TMEM219: variants seen among roughly 807,000 people sequenced by gnomAD.
TMEM219 encodes insulin-like growth factor-binding protein 3 receptor.
TMEM219 carries 18 observed loss-of-function variants against 17.9 expected under a neutral mutation model. The ratio of observed to expected loss-of-function variants is 1.01; its 90% CI spans 0.70 to 1.49. The LOEUF is 1.49. TMEM219 is among the 40% of genes most tolerant of loss of function. The probability of loss-of-function intolerance (pLI) is 0.00; values close to 1 mark genes in which losing one functional copy is unlikely to be tolerated. For synonymous variants in TMEM219, 113 were observed against 124.0 expected, an observed-to-expected ratio of 0.91 and a Z score of 0.59; for missense variants, 288 against 292.4, an observed-to-expected ratio of 0.99 and a Z score of 0.11.
chr16:29,970,805 G>A (rs1010564852), intron 4 of TMEM219, among the ~76,000 whole-genome samples: 14 of 152,064 alleles, frequency 9.2e-5, no homozygotes, highest in Admixed American at 2.6e-4. Context: ...TTAGCTGGGC[G>A]TGGTGGCACA....
At chr16:29,971,728 A>T (rs1780653094) in intron 5 of TMEM219, 150 bp downstream of exon 5, 2 of 616,264 alleles carry the variant, frequency 3.2e-6, no homozygotes, top group Admixed American at 6.9e-5. Flanking sequence ...TCCCTTAGGG[A>T]CTGGGAACAA....
chr16:29,965,242 A>T (rs1176487884), intron 3 of TMEM219, among the ~76,000 whole-genome samples: 1 of 152,182 alleles, frequency 6.6e-6, no homozygotes, highest in Non-Finnish European at 1.5e-5. Context: ...TCCTGTGAGT[A>T]TATATGTGTC....
At chr16:29,963,010 CT>C in intron 1 of TMEM219, 96 bp from the exon 2 acceptor site, 2 of 1,018,194 alleles carry the variant, frequency 2.0e-6, no homozygotes, top group Non-Finnish European at 2.9e-6. Context: ...CTGCCACTTA[CT>C]GTGTGGCCTT....
At chr16:29,962,731 C>A (rs1270789720) in intron 1 of TMEM219, 5 of 179,734 alleles carry the variant, frequency 2.8e-5, no homozygotes, top group Non-Finnish European at 6.0e-5. Flanking sequence ...TCAGATCTAG[C>A]CGTTTAGCTG....
Position 29,968,007 on chromosome 16 carries a change from C to T in TMEM219, c.356-18C>T. 1 of 1,594,456 alleles carries T rather than the reference C, an allele frequency of 6.3e-7. No individual in the cohort carries two copies. Among genetic ancestry groups the T allele is most frequent in the African/African-American group, 1.3e-5 (1 of 74,624 alleles). The stretch of plus-strand genomic sequence containing the variant: ...CACCTCTCATTTTCTTCCATTTTCT[C>T]TTCTGTGCCTTTCACAGGATCTTCT... On this transcript the variant is annotated intron_variant, in intron 3 of 5. Transcript: ENST00000279396.
intron 1 of TMEM219, chr16:29,962,898 C>G: frequency 1.8e-6 from 1 of 550,448 alleles, no homozygotes; most frequent in South Asian, 2.1e-5. Context: ...ACTGCTCTGC[C>G]TCCACTTAGA....
Position 29,963,133 on chromosome 16 carries a change from C to A in TMEM219, c.-11C>A. ...AGGCTCTCCCCGGAGGCTCAGCCCC[C>A]TCTGCTCCCCATGGGCAACTGCCAG... On this transcript the variant is annotated 5_prime_UTR_variant, in exon 2 of 6. Coordinates refer to ENST00000279396, the MANE Select transcript of TMEM219 (RefSeq NM_001083613.2). The A allele has an allele frequency of 6.2e-7, 1 of 1,610,146 alleles. No homozygotes were observed. The highest frequency in any genetic ancestry group is 1.7e-4 in the Middle Eastern group (1 of 5,944).
intron 3 of TMEM219, among the ~76,000 whole-genome samples, chr16:29,966,965 A>T (rs948883817): frequency 3.3e-5 from 5 of 151,998 alleles, no homozygotes; most frequent in Admixed American, 6.6e-5. Context: ...TCTACATGGA[A>T]ATTTTCCCAA....
intron 3 of TMEM219, among the ~76,000 whole-genome samples, chr16:29,964,316 C>T (rs1349593236): frequency 6.6e-6 from 1 of 151,142 alleles, no homozygotes; most frequent in Non-Finnish European, 1.5e-5. Context: ...GAGCAAAACT[C>T]GGTCTCAAAA....
intron 3 of TMEM219, among the ~76,000 whole-genome samples, chr16:29,966,671 C>A (rs1429593889): frequency 6.6e-6 from 1 of 151,898 alleles, no homozygotes; most frequent in Non-Finnish European, 1.5e-5. Flanking sequence ...AAAAAATTAG[C>A]CAGGCATGGT....
At chr16:29,971,620 G>A in intron 5 of TMEM219, 42 bp downstream of exon 5, 7 of 1,479,148 alleles carry the variant, frequency 4.7e-6, no homozygotes, top group Admixed American at 1.7e-5. Flanking sequence ...AGGGAATGGG[G>A]TGGGGGTGGG....
chr16:29,965,223 C>T (rs1360753156), intron 3 of TMEM219, among the ~76,000 whole-genome samples: 3 of 152,122 alleles, frequency 2.0e-5, no homozygotes, highest in Non-Finnish European at 4.4e-5. Flanking sequence ...CACTATCATT[C>T]TAAGATTCTC....
chr16:29,968,276 C>T (rs1219263613), intron 4 of TMEM219, 22 bp downstream of exon 4: 2 of 1,595,428 alleles, frequency 1.3e-6, no homozygotes, highest in African/African-American at 2.7e-5. Context: ...AGATGGGTCG[C>T]CAGGGTTTTG....
chr16:29,972,667 C>G (rs900800368), intron 5 of TMEM219, among the ~76,000 whole-genome samples: 2 of 152,172 alleles, frequency 1.3e-5, no homozygotes, highest in African/African-American at 4.8e-5. Flanking sequence ...AGTGGAAGCT[C>G]AAGATCAACT....
intron 4 of TMEM219, among the ~76,000 whole-genome samples, chr16:29,969,969 C>T (rs1379737375): frequency 7.2e-5 from 11 of 152,286 alleles, no homozygotes; most frequent in South Asian, 2.1e-4. Flanking sequence ...CCATGAGGCA[C>T]GGTGGCTCAC....
intron 3 of TMEM219, among the ~76,000 whole-genome samples, chr16:29,965,564 C>CAAAAA (rs35045736): frequency 4.8e-5 from 4 of 82,884 alleles, no homozygotes; most frequent in Non-Finnish European, 7.0e-5. Flanking sequence ...ACTAAAAATA[C>CAAAAA]AAAAAAAAAA....
intron 3 of TMEM219, among the ~76,000 whole-genome samples, chr16:29,967,147 G>A (rs1004917806): frequency 3.9e-5 from 6 of 152,138 alleles, no homozygotes; most frequent in Non-Finnish European, 8.8e-5. Flanking sequence ...GCGAGTATTA[G>A]TATGGTTGTT....
intron 4 of TMEM219, 146 bp from the exon 5 acceptor site, chr16:29,971,259 AAAG>A: frequency 1.1e-6 from 1 of 949,302 alleles, no homozygotes; most frequent in Non-Finnish European, 1.6e-6. Context: ...AAAAAAAAAA[AAAG>A]ACAAATGTCA....
At chr16:29,965,779 C>T (rs1285522330) in intron 3 of TMEM219, among the ~76,000 whole-genome samples, 1 of 152,116 alleles carries the variant, frequency 6.6e-6, no homozygotes, top group African/African-American at 2.4e-5. Flanking sequence ...GCTCTGTCAC[C>T]CAGACTGGAG....
Sources: allele counts gnomAD v4.1 joint callset (sites outside exome capture counted in the v4.1 genomes callset), GRCh38; gene constraint gnomAD v4.1.1; transcripts MANE v1.5; gene names NCBI Gene and HGNC (gene_info 2026-07-23, HGNC 2026-07-21).